GRIN3A: variants seen among roughly 807,000 people sequenced by gnomAD.
The protein encoded by GRIN3A is glutamate receptor ionotropic, NMDA 3A.
GRIN3A carries 47 observed loss-of-function variants against 92.4 expected under a neutral mutation model. The ratio of observed to expected loss-of-function variants is 0.51; its 90% CI spans 0.40 to 0.65. The LOEUF is 0.65. GRIN3A is among the 30% of genes least tolerant of loss of function. The probability of loss-of-function intolerance (pLI) is 0.00; values close to 1 mark genes in which losing one functional copy is unlikely to be tolerated. For synonymous variants in GRIN3A, 527 were observed against 540.6 expected, an observed-to-expected ratio of 0.97 and a Z score of 0.35; for missense variants, 1,324 against 1,393.1, an observed-to-expected ratio of 0.95 and a Z score of 0.79.
At chr9:101,665,059 A>T (rs1051812538) in intron 3 of GRIN3A, among the ~76,000 whole-genome samples, 2 of 152,074 alleles carry the variant, frequency 1.3e-5, no homozygotes, top group East Asian at 1.9e-4. Flanking sequence ...ACCAAAAAAA[A>T]ACAGCTTAAA....
rs532603723 is a variant in GRIN3A, at chr9:101,578,470, A to C, written c.2932-626T>G. 5.9e-5 allele frequency among the ~76,000 whole-genome samples: 9 copies of C among 152,320 alleles called. No homozygotes were observed. The East Asian group carries it at 1.7e-3, about 29-fold the overall frequency. The stretch of plus-strand genomic sequence containing the variant: ...CCTGCTGGGAGGTAATCCATGGTAC[A>C]CTGGAGGGCAGGAGGTGGTCTCACC... On this transcript the variant is annotated intron_variant, in intron 7 of 8. Transcript: ENST00000361820.
At chr9:101,625,492 G>T (rs1828620997) in intron 4 of GRIN3A, among the ~76,000 whole-genome samples, 1 of 152,180 alleles carries the variant, frequency 6.6e-6, no homozygotes, top group South Asian at 2.1e-4. Flanking sequence ...CACATAGTTG[G>T]CAGGTCAGCT....
chr9:101,707,051 C>T (rs532779845), intron 1 of GRIN3A, among the ~76,000 whole-genome samples: 20 of 152,242 alleles, frequency 1.3e-4, no homozygotes, highest in African/African-American at 3.1e-4. Context: ...ATTCAACAGC[C>T]GCTAAAATTT....
At chr9:101,581,031 A>C (rs1827881077) in intron 6 of GRIN3A, among the ~76,000 whole-genome samples, 1 of 152,228 alleles carries the variant, frequency 6.6e-6, no homozygotes, top group Admixed American at 6.5e-5. Context: ...AAAATACATA[A>C]TATATTGAGT....
intron 6 of GRIN3A, among the ~76,000 whole-genome samples, chr9:101,585,165 G>A (rs547828720): frequency 2.6e-5 from 4 of 152,174 alleles, no homozygotes; most frequent in African/African-American, 7.2e-5. Flanking sequence ...CAAATCTAAC[G>A]GTCAGTTTTC....
Position 101,625,618 on chromosome 9 carries a change from G to A in GRIN3A, c.2499-2185C>T, listed in dbSNP as rs75338656. Among the ~76,000 whole-genome samples the A allele has an allele frequency of 9.8e-3, 1,487 of 152,226 alleles. 35 individuals carry two copies. Among genetic ancestry groups the A allele is most frequent in the African/African-American group, 0.034 (1,403 of 41,526 alleles). On this transcript the variant is annotated intron_variant, in intron 4 of 8. Coordinates refer to ENST00000361820, the MANE Select transcript of GRIN3A (RefSeq NM_133445.3). ...GGTATCAGATTTAAGTTACAATGAG[G>A]CCCAAATTTAACTTTAACCAAAATG...
intron 1 of GRIN3A, among the ~76,000 whole-genome samples, chr9:101,716,171 A>G (rs77909787): frequency 2.5e-3 from 381 of 152,338 alleles, no homozygotes; most frequent in African/African-American, 8.6e-3. Context: ...TGGCTTTGTC[A>G]TCACAATCTT....
chr9:101,583,793 G>C (rs1249869456), intron 6 of GRIN3A, among the ~76,000 whole-genome samples: 2 of 152,114 alleles, frequency 1.3e-5, no homozygotes, highest in East Asian at 3.9e-4. Flanking sequence ...TCATTTGCTA[G>C]CTCATAGCCA....
At chr9:101,628,441 T>G in intron 3 of GRIN3A, 40 bp from the exon 4 acceptor site, 1 of 1,585,224 alleles carries the variant, frequency 6.3e-7, no homozygotes, top group Non-Finnish European at 8.6e-7. Flanking sequence ...TAAAAATTAT[T>G]CTTAGAAGTG....
chr9:101,730,114 C>T (rs538851733), intron 1 of GRIN3A, among the ~76,000 whole-genome samples: 2 of 152,186 alleles, frequency 1.3e-5, no homozygotes, highest in African/African-American at 4.8e-5. Context: ...ACCCTGAACC[C>T]ATATAAAGGA....
Position 101,738,267 on chromosome 9 carries a change from C to G in GRIN3A, c.-288G>C, listed in dbSNP as rs942257804. 8.4e-6 allele frequency: 4 copies of G among 474,002 alleles called. No homozygotes were observed. Among genetic ancestry groups the G allele is most frequent in the African/African-American group, 8.3e-5 (4 of 47,992 alleles). The allele number at this position is 474,002 out of a possible 1,614,324, so 29.4% of individuals were successfully genotyped here. ...CGGCGCCTGTCACCCGCAGCTGGAGCGCCCGTTCCCTGCCCGCCCCATCTG... is the reference window on the plus strand; with the variant it reads ...CGGCGCCTGTCACCCGCAGCTGGAGGGCCCGTTCCCTGCCCGCCCCATCTG... On this transcript the variant is annotated 5_prime_UTR_variant, in exon 1 of 9. Transcript: ENST00000361820.
Position 101,670,954 on chromosome 9 carries a change from C to T in GRIN3A, c.1458G>A (p.Gly486=). Residue 486 remains glycine (G), a synonymous_variant, in exon 3 of 9, where the codon GGG becomes GGA. Coordinates refer to ENST00000361820, the MANE Select transcript of GRIN3A (RefSeq NM_133445.3). ...TTCCATAGTCCATGACAATCTTTCC[C>T]CCCTGCCAGCTGCCCAAGCGGGTCC... The part of the protein sequence containing the change: ...PMWTRLGSWQ[G]GKIVMDYGIW... 1.2e-6 allele frequency: 2 copies of T among 1,613,992 alleles called. No homozygotes were observed. The highest frequency in any genetic ancestry group is 1.1e-5 in the South Asian group (1 of 91,076).
In GRIN3A at chr9:101,700,755, A is replaced by G. The variant is rs530140159; in HGVS notation, c.700-13555T>C. Among the ~76,000 whole-genome samples, 259 of 152,314 alleles carry G rather than the reference A, an allele frequency of 1.7e-3. 2 individuals carry two copies. Among genetic ancestry groups the G allele is most frequent in the African/African-American group, 5.9e-3 (244 of 41,558 alleles). On this transcript the variant is annotated intron_variant, in intron 1 of 8. Coordinates refer to ENST00000361820, the MANE Select transcript of GRIN3A (RefSeq NM_133445.3). ...CTGCTATCTAAAGCGAGGTACCATT[A>G]TAGAACTGGAGACATAACTGAAATT...
At chr9:101,651,463 G>A (rs965983780) in intron 3 of GRIN3A, among the ~76,000 whole-genome samples, 2 of 151,912 alleles carry the variant, frequency 1.3e-5, no homozygotes, top group African/African-American at 4.8e-5. Context: ...TTGATACTCT[G>A]GTGAACACAT....
chr9:101,695,536 C>G (rs1275061150), intron 1 of GRIN3A, among the ~76,000 whole-genome samples: 1 of 152,054 alleles, frequency 6.6e-6, no homozygotes, highest in East Asian at 1.9e-4. Context: ...GTTACTAGAG[C>G]AAGACCAAGT....
intron 1 of GRIN3A, among the ~76,000 whole-genome samples, chr9:101,700,330 G>A (rs959423): frequency 0.013 from 2,029 of 152,242 alleles, 62 homozygotes; most frequent in Admixed American, 0.061. Context: ...CTTCCAAGTT[G>A]ACAAATATGG....
intron 8 of GRIN3A, among the ~76,000 whole-genome samples, chr9:101,574,782 T>G (rs1827807399): frequency 1.3e-5 from 2 of 152,164 alleles, no homozygotes; most frequent in Admixed American, 6.5e-5. Context: ...GCCTAAACTT[T>G]TAAGAAGTCT....
In GRIN3A at chr9:101,622,729, T is replaced by C. The variant is rs550134620; in HGVS notation, c.2614+589A>G. Among the ~76,000 whole-genome samples, 3 of 152,284 alleles carry C rather than the reference T, an allele frequency of 2.0e-5. No homozygotes were observed. In the East Asian group the frequency reaches 5.8e-4, roughly 29 times the overall value. ...TTAGATTTCAGTCCCAGTATTATCA[T>C]CTAATTGTACAATTATGAAAATGTT... On this transcript the variant is annotated intron_variant, in intron 5 of 8. Coordinates refer to ENST00000361820, the MANE Select transcript of GRIN3A (RefSeq NM_133445.3).
chr9:101,596,750 A>T (rs186507513), intron 6 of GRIN3A, among the ~76,000 whole-genome samples: 1 of 152,322 alleles, frequency 6.6e-6, no homozygotes, highest in East Asian at 1.9e-4. Context: ...TACCTCTAAG[A>T]AGCTTAACAT....
Sources: gnomAD v4.1 joint callset for allele counts (sites outside exome capture counted in the v4.1 genomes callset) on GRCh38, gnomAD v4.1.1 for gene constraint, MANE v1.5 for transcripts, NCBI Gene and HGNC (gene_info 2026-07-23, HGNC 2026-07-21) for gene names.